Variants in JAKMIP3 observed in about 807,000 individuals in gnomAD.
The protein encoded by JAKMIP3 is janus kinase and microtubule-interacting protein 3.
A neutral mutation model predicts 118.5 loss-of-function variants in JAKMIP3; 58 were observed. That is an observed-to-expected ratio of 0.49 (90% CI 0.40 to 0.61). The LOEUF is 0.61. Ranked by LOEUF, JAKMIP3 falls within the 20% of genes least tolerant of loss-of-function variation. JAKMIP3 has a pLI of 0.00. For synonymous variants in JAKMIP3, 486 were observed against 451.2 expected (o/e 1.08, Z -0.98); for missense variants, 950 against 1,109.0 (o/e 0.86, Z 2.04).
At chr10:132,133,788 C>T (rs1219638110) in intron 4 of JAKMIP3, among the ~76,000 whole-genome samples, 4 of 152,248 alleles carry the variant, frequency 2.6e-5, no homozygotes, top group Non-Finnish European at 2.9e-5. Flanking sequence ...CCGTGGGCCC[C>T]GGCCTCATCA....
At chr10:132,060,751 G>A (rs4880313), upstream of JAKMIP3, among the ~76,000 whole-genome samples, 83,971 of 152,092 alleles carry the variant, frequency 0.55, 23,583 homozygotes, top group East Asian at 0.72. Flanking sequence ...CAGGTGCAGT[G>A]GCTCACGCCT....
chr10:132,048,947 G>A (rs1278174031), intron 1 of JAKMIP3, among the ~76,000 whole-genome samples: 2 of 152,058 alleles, frequency 1.3e-5, no homozygotes, highest in Non-Finnish European at 2.9e-5. Flanking sequence ...GCCTGGGCTT[G>A]ACTGTTTCTA....
intron 1 of JAKMIP3, among the ~76,000 whole-genome samples, chr10:132,071,849 C>CT (rs2039942182): frequency 8.1e-6 from 1 of 123,460 alleles, no homozygotes; most frequent in Non-Finnish European, 1.6e-5. Flanking sequence ...TCCTTTCTTT[C>CT]TTTCCTTTCT....
intron 1 of JAKMIP3, among the ~76,000 whole-genome samples, chr10:132,083,190 A>G (rs1409232967): frequency 6.6e-6 from 1 of 152,148 alleles, no homozygotes; most frequent in Non-Finnish European, 1.5e-5. Context: ...CCATGCCAAC[A>G]TCTATTCTTT....
intron 23 of JAKMIP3, among the ~76,000 whole-genome samples, chr10:132,172,857 T>C (rs1310021200): frequency 6.6e-6 from 1 of 151,576 alleles, no homozygotes; most frequent in East Asian, 2.0e-4. Context: ...TGACAGTATT[T>C]CTAGGCTGTC....
Position 132,118,212 on chromosome 10 carries a change from G to A in JAKMIP3, c.633+638G>A, listed in dbSNP as rs1358870926. ...CAATGAGGTCTAACGTTGGCATCTG[G>A]TGCAGCCTAATAGCTCCAGAGACCT... is the stretch of plus-strand genomic sequence containing the variant. On this transcript the variant is annotated intron_variant, in intron 3 of 23. Transcript: ENST00000684848. This position sits in a 1 kb window ranked among gnomAD's most constrained non-coding sequence, Gnocchi z 4.8. 1.3e-5 allele frequency among the ~76,000 whole-genome samples: 2 copies of A among 152,182 alleles called. No individual in the cohort carries two copies. Among genetic ancestry groups the A allele is most frequent in the Non-Finnish European group, 2.9e-5 (2 of 68,030 alleles).
At chr10:132,109,171 CTG>C (rs762761132) in intron 2 of JAKMIP3, among the ~76,000 whole-genome samples, 61 of 150,740 alleles carry the variant, frequency 4.0e-4, no homozygotes, top group African/African-American at 1.2e-3. Flanking sequence ...TTAAAAAAAA[CTG>C]GGCATGGTGG....
At chr10:132,088,691 T>C (rs1297796602) in intron 1 of JAKMIP3, among the ~76,000 whole-genome samples, 1 of 152,246 alleles carries the variant, frequency 6.6e-6, no homozygotes, top group African/African-American at 2.4e-5. Context: ...TCTTTTGCTG[T>C]GCAGAAGCTC....
At chr10:132,145,409 T>C (rs2054400478) in intron 12 of JAKMIP3, 109 bp from the exon 13 acceptor site, 1 of 1,138,404 alleles carries the variant, frequency 8.8e-7, no homozygotes, top group Non-Finnish European at 1.3e-6. Flanking sequence ...AGACGGGGCT[T>C]TGCCACGCTG....
intron 23 of JAKMIP3, among the ~76,000 whole-genome samples, chr10:132,176,470 T>G (rs2060146906): frequency 6.6e-6 from 1 of 152,172 alleles, no homozygotes; most frequent in African/African-American, 2.4e-5. Context: ...GTCCCTTCAT[T>G]GTTACATCTG....
At chr10:132,051,111 C>T (rs370531511) in intron 1 of JAKMIP3, among the ~76,000 whole-genome samples, 1,079 of 126,378 alleles carry the variant, frequency 8.5e-3, no homozygotes, top group Admixed American at 0.023. Flanking sequence ...TAATTCCAGC[C>T]GTTCTGGTGA....
chr10:132,153,510 C>T (rs1013385122), intron 17 of JAKMIP3, among the ~76,000 whole-genome samples: 1 of 152,178 alleles, frequency 6.6e-6, no homozygotes, highest in African/African-American at 2.4e-5. Flanking sequence ...TCCTACGGTG[C>T]CCCAAGCTAG....
rs1231956362 is a variant in JAKMIP3, at chr10:132,165,304, A to G, written c.2490+569A>G. Among the ~76,000 whole-genome samples, 9 of 152,158 alleles carry G rather than the reference A, an allele frequency of 5.9e-5. No homozygotes were observed. The East Asian group carries it at 1.6e-3, about 26-fold the overall frequency. ...CAGACTTGGTGCTCCCCAAGTCAGG[A>G]TGAGGGGAGCACAGCAGAGTCTCTC... is the stretch of plus-strand genomic sequence containing the variant. On this transcript the variant is annotated intron_variant, in intron 21 of 23. Coordinates refer to ENST00000684848, the MANE Select transcript of JAKMIP3 (RefSeq NM_001323087.2).
chr10:132,169,308 A>G (rs1269138701), intron 23 of JAKMIP3, among the ~76,000 whole-genome samples: 1 of 152,036 alleles, frequency 6.6e-6, no homozygotes. Context: ...TCCCACTTGC[A>G]GGAGGAGGCT....
intron 1 of JAKMIP3, among the ~76,000 whole-genome samples, chr10:132,056,363 C>G (rs1259656658): frequency 6.6e-6 from 1 of 152,180 alleles, no homozygotes; most frequent in Non-Finnish European, 1.5e-5. Flanking sequence ...TGAGCATGTC[C>G]TCTGCCTTTA....
intron 9 of JAKMIP3, among the ~76,000 whole-genome samples, chr10:132,139,297 T>G: frequency 8.5e-6 from 1 of 117,070 alleles, no homozygotes; most frequent in African/African-American, 4.2e-5. Context: ...TGCATCTGTG[T>G]ATGTGTGTGA....
upstream of JAKMIP3, among the ~76,000 whole-genome samples, chr10:132,063,361 C>T (rs919086308): frequency 2.6e-5 from 4 of 152,070 alleles, no homozygotes; most frequent in East Asian, 1.9e-4. Flanking sequence ...TGCTGGGGCT[C>T]GGTTTCTGGG....
At chr10:132,124,276 C>G (rs1012432994) in intron 3 of JAKMIP3, among the ~76,000 whole-genome samples, 51 of 152,220 alleles carry the variant, frequency 3.4e-4, no homozygotes, top group Admixed American at 3.0e-3. Flanking sequence ...TCCATTGCCA[C>G]GCGGTCGCCC....
intron 1 of JAKMIP3, among the ~76,000 whole-genome samples, chr10:132,079,458 T>TAC (rs1184081217): frequency 6.6e-6 from 1 of 152,152 alleles, no homozygotes; most frequent in Non-Finnish European, 1.5e-5. Flanking sequence ...GTTGTTTATT[T>TAC]ACACACACAT....
Sources: gnomAD v4.1 joint callset for allele counts (sites outside exome capture counted in the v4.1 genomes callset) on GRCh38, gnomAD v4.1.1 for gene constraint, Gnocchi (gnomAD v3.1) non-coding constraint, MANE v1.5 for transcripts, NCBI Gene and HGNC (gene_info 2026-07-23, HGNC 2026-07-21) for gene names.